The following TUSC3 variants were observed in gnomAD, a reference collection of about 807,000 sequenced individuals.
TUSC3 encodes the protein tumor suppressor candidate 3.
A neutral mutation model predicts 44.8 loss-of-function variants in TUSC3; 45 were observed. The ratio of observed to expected loss-of-function variants is 1.00; its 90% confidence interval spans 0.79 to 1.29. The LOEUF (loss-of-function observed/expected upper bound fraction) is 1.29, where lower values mean the gene tolerates loss of function less well. Among genes scored for constraint, TUSC3 ranks in the 50% most tolerant of loss-of-function variants. TUSC3 has a pLI of 0.00. For missense variants in TUSC3, 519 were observed against 437.9 expected (o/e 1.19, Z -1.65); for synonymous variants, 212 against 152.9 (o/e 1.39, Z -2.85).
intron 5 of TUSC3, among the ~76,000 whole-genome samples, chr8:15,666,204 C>G (rs112456647): frequency 1.1e-3 from 164 of 151,476 alleles, no homozygotes; most frequent in African/African-American, 3.8e-3. Context: ...ACTGTCATTT[C>G]AAGCCAGAAA....
intron 6 of TUSC3, among the ~76,000 whole-genome samples, chr8:15,692,007 T>C (rs1267237575): frequency 2.0e-5 from 3 of 152,092 alleles, no homozygotes; most frequent in African/African-American, 7.2e-5. Flanking sequence ...TCTTGAATTC[T>C]TGGCCTCAAG....
chr8:15,692,371 C>CCCTCTT (rs1563175839), intron 6 of TUSC3, among the ~76,000 whole-genome samples: 1 of 18,820 alleles, frequency 5.3e-5, no homozygotes, highest in South Asian at 3.6e-3. Context: ...CCCCCCCCCC[C>CCCTCTT]TTTGTTTTTT....
intron 10 of TUSC3, among the ~76,000 whole-genome samples, chr8:15,763,439 T>C (rs1812233226): frequency 6.6e-6 from 1 of 151,928 alleles, no homozygotes; most frequent in Non-Finnish European, 1.5e-5. Flanking sequence ...GAACTATTAA[T>C]TTCATTTTTG....
chr8:15,685,366 A>C (rs1808587508), intron 6 of TUSC3, among the ~76,000 whole-genome samples: 1 of 151,786 alleles, frequency 6.6e-6, no homozygotes. Flanking sequence ...CACAGTGTCC[A>C]TCTCTTCTCT....
chr8:15,775,862 T>C, the TUSC3 span, among the ~76,000 whole-genome samples: 1 of 151,286 alleles, frequency 6.6e-6, no homozygotes, highest in Non-Finnish European at 1.5e-5. Context: ...GTTGTGCCTT[T>C]ATATAGGAGC....
chr8:15,798,920 T>C, the TUSC3 span, among the ~76,000 whole-genome samples: 1 of 152,164 alleles, frequency 6.6e-6, no homozygotes, highest in African/African-American at 2.4e-5. Context: ...TTTATCTAAA[T>C]TTCATTGGGT....
chr8:15,824,879 TGGACTGAAAA>T, the TUSC3 span, among the ~76,000 whole-genome samples: 8 of 152,186 alleles, frequency 5.3e-5, no homozygotes, highest in African/African-American at 1.9e-4. Context: ...TCTTTTTAAT[TGGACTGAAAA>T]GTTTCAGTAT....
chr8:15,482,634 G>C (rs942692717), intron 1 of TUSC3, among the ~76,000 whole-genome samples: 2 of 152,158 alleles, frequency 1.3e-5, no homozygotes, highest in Non-Finnish European at 2.9e-5. Flanking sequence ...CATCCATTCT[G>C]CAGGCCATAG....
intron 1 of TUSC3, among the ~76,000 whole-genome samples, chr8:15,606,714 T>C (rs1439772340): frequency 6.6e-6 from 1 of 152,102 alleles, no homozygotes; most frequent in Non-Finnish European, 1.5e-5. Flanking sequence ...AATATCCTTT[T>C]ATATTTACGT....
At chr8:15,600,012 G>A (rs1804217827) in intron 1 of TUSC3, among the ~76,000 whole-genome samples, 1 of 151,652 alleles carries the variant, frequency 6.6e-6, no homozygotes, top group Non-Finnish European at 1.5e-5. Flanking sequence ...AACAAAGACA[G>A]TTTTATTTCT....
chr8:15,845,117 A>G, the TUSC3 span, among the ~76,000 whole-genome samples: 3 of 152,284 alleles, frequency 2.0e-5, no homozygotes, highest in South Asian at 2.1e-4. Context: ...AGGCAAAATC[A>G]TAAGTTAGAA....
At chr8:15,517,893 C>G (rs763497414) in intron 2 of TUSC3, among the ~76,000 whole-genome samples, 2 of 151,796 alleles carry the variant, frequency 1.3e-5, no homozygotes, top group South Asian at 4.2e-4. Context: ...TTAAATTGTA[C>G]AATTCAGTGG....
intron 7 of TUSC3, chr8:15,733,520 A>C: frequency 3.7e-6 from 1 of 270,822 alleles, no homozygotes; most frequent in Non-Finnish European, 7.4e-6. Context: ...TCCAAGGTTT[A>C]ATTTCATGGA....
intron 2 of TUSC3, among the ~76,000 whole-genome samples, chr8:15,647,070 G>A (rs542229253): frequency 1.3e-5 from 2 of 151,978 alleles, no homozygotes; most frequent in African/African-American, 4.8e-5. Context: ...ACCAAATTCT[G>A]TTGGCTATCG....
chr8:15,656,406 A>G (rs535977356), intron 3 of TUSC3, among the ~76,000 whole-genome samples: 1 of 152,334 alleles, frequency 6.6e-6, no homozygotes, highest in Admixed American at 6.5e-5. Flanking sequence ...TTGAATAGAC[A>G]TTCCCTTCCA....
At chr8:15,573,756 G>C (rs893349675) in intron 1 of TUSC3, among the ~76,000 whole-genome samples, 1 of 152,090 alleles carries the variant, frequency 6.6e-6, no homozygotes, top group Non-Finnish European at 1.5e-5. Context: ...CCTCAGGGAA[G>C]CCCTGCTTCT....
chr8:15,715,195 A>G (rs79712241), intron 6 of TUSC3, among the ~76,000 whole-genome samples: 175 of 152,240 alleles, frequency 1.1e-3, no homozygotes, highest in African/African-American at 3.3e-3. Context: ...ACCAAACTCT[A>G]TATATATTGT....
At chr8:15,577,027 CATT>C (rs1463177561) in intron 1 of TUSC3, among the ~76,000 whole-genome samples, 1 of 141,548 alleles carries the variant, frequency 7.1e-6, no homozygotes, top group Non-Finnish European at 1.6e-5. Context: ...GATGGTATCT[CATT>C]GTGGTTTTGA....
At chr8:15,810,398 G>A in the TUSC3 span, among the ~76,000 whole-genome samples, 5 of 152,170 alleles carry the variant, frequency 3.3e-5, no homozygotes, top group Non-Finnish European at 7.3e-5. Context: ...TGCACTTTGG[G>A]AAGCTAAGGT....
Sources: allele counts gnomAD v4.1 joint callset (sites outside exome capture counted in the v4.1 genomes callset), GRCh38; gene constraint gnomAD v4.1.1; transcripts MANE v1.5; gene names NCBI Gene and HGNC (gene_info 2026-07-23, HGNC 2026-07-21).